The following HERC5 variants were observed in gnomAD, a reference collection of about 807,000 sequenced individuals.
HERC5 encodes the protein HECT and RLD domain containing E3 ubiquitin protein ligase 5.
HERC5 carries 99 observed loss-of-function variants against 119.6 expected under a neutral mutation model. The observed-to-expected ratio is 0.83, with a 90% CI of 0.70 to 0.98. The LOEUF is 0.98. HERC5 is among the 50% of genes least tolerant of loss of function. The probability of loss-of-function intolerance (pLI) is 0.00; values close to 1 mark genes in which losing one functional copy is unlikely to be tolerated. For missense variants in HERC5, 1,267 were observed against 1,241.3 expected, an observed-to-expected ratio of 1.02 and a Z score of -0.31; for synonymous variants, 478 against 445.9, an observed-to-expected ratio of 1.07 and a Z score of -0.91.
intron 13 of HERC5, among the ~76,000 whole-genome samples, chr4:88,485,496 T>C (rs1024499349): frequency 1.3e-5 from 2 of 152,160 alleles, no homozygotes; most frequent in African/African-American, 4.8e-5. Flanking sequence ...AGACACATGG[T>C]TTCAGTGCAT....
Position 88,457,415 on chromosome 4 carries a change from G to A in HERC5, c.146G>A (p.Arg49Lys). The change falls in exon 1 of 23, where the codon AGG (arginine) becomes AAG (lysine). Residue 49 changes from arginine (R) to lysine (K), a missense_variant. By Grantham distance (26) the Arg-to-Lys change is conservative (BLOSUM62 2). Transcript: ENST00000264350. ...GGCCTCCACCGCGCGCTGCTCCGGA[G>A]GGTGGAGGTGACGCGCCAACTCTGC... Reference protein sequence around the residue: ...AAGLHRALLRRVEVTRQLCCS... With the variant: ...AAGLHRALLRKVEVTRQLCCS... 7.3e-7 allele frequency: 1 copy of A among 1,377,540 alleles called. No individual in the cohort carries two copies. The highest frequency in any genetic ancestry group is 3.4e-5 in the Admixed American group (1 of 29,780). 85.3% of individuals were successfully genotyped at this position (1,377,540 alleles called of 1,614,324 possible). A position where few individuals can be genotyped will look rare whatever the true frequency, so the allele number is the denominator to read the frequency against.
At chr4:88,461,146 A>C (rs950439719) in intron 3 of HERC5, among the ~76,000 whole-genome samples, 1 of 152,238 alleles carries the variant, frequency 6.6e-6, no homozygotes, top group Admixed American at 6.5e-5. Context: ...GTTAATAATT[A>C]GTGAGTATTT....
chr4:88,457,472 G>A lies in HERC5; in HGVS notation c.203G>A (p.Arg68His). Residue 68 changes from arginine to histidine, a missense_variant, in exon 1 of 23, where the codon CGC (arginine) becomes CAC (histidine). Physicochemically the swap from Arg to His is conservative, Grantham distance 29. Transcript: ENST00000264350. ...CCGGGGCGCCTCGCGGTCTTGGAAC[G>A]CGGCGGGGCGGGCGTCCAGGTTCAC... is the stretch of plus-strand genomic sequence containing the variant. ...CSPGRLAVLERGGAGVQVHQL... is the reference protein window; with the variant it reads ...CSPGRLAVLEHGGAGVQVHQL... 1 of 1,327,818 alleles carries A rather than the reference G, an allele frequency of 7.5e-7. No homozygotes were observed. The allele number at this position is 1,327,818 out of a possible 1,614,324, so 82.3% of individuals were successfully genotyped here. A position where few individuals can be genotyped will look rare whatever the true frequency, so the allele number is the denominator to read the frequency against.
chr4:88,458,035 A>G (rs967791224), intron 1 of HERC5: 56 of 986,286 alleles, frequency 5.7e-5, no homozygotes, highest in Non-Finnish European at 6.5e-5. Context: ...CCATCTGTGG[A>G]GTGAAGAAAT....
At chr4:88,457,653 G>C in intron 1 of HERC5, 119 bp downstream of exon 1, 1 of 1,071,798 alleles carries the variant, frequency 9.3e-7, no homozygotes, top group East Asian at 3.2e-5. Flanking sequence ...GGCCGCAGAC[G>C]CGCGCCTGGC....
chr4:88,505,629 G>T (rs1441702922), intron 22 of HERC5, 44 bp from the exon 23 acceptor site: 2 of 1,132,612 alleles, frequency 1.8e-6, no homozygotes, highest in Non-Finnish European at 2.6e-6. Flanking sequence ...AGAGATTTTG[G>T]TCTCCATGTA....
intron 2 of HERC5, 87 bp from the exon 3 acceptor site, chr4:88,460,008 T>G: frequency 1.5e-6 from 1 of 682,532 alleles, no homozygotes; most frequent in Non-Finnish European, 2.5e-6. Context: ...TGAGCTTCAT[T>G]TCTAATTAAA....
At chr4:88,472,371 T>C (rs775314533) in intron 10 of HERC5, 38 bp from the exon 11 acceptor site, 34 of 1,206,262 alleles carry the variant, frequency 2.8e-5, no homozygotes, top group South Asian at 7.9e-5. Context: ...TCTAGGGAGA[T>C]AATCTAACAA....
chr4:88,485,563 C>G (rs1462913304), intron 13 of HERC5, among the ~76,000 whole-genome samples: 3 of 152,176 alleles, frequency 2.0e-5, no homozygotes. Context: ...CAGGATAACG[C>G]CCATCCAAGT....
At chr4:88,475,273 AT>A (rs1741020109) in intron 11 of HERC5, among the ~76,000 whole-genome samples, 1 of 145,140 alleles carries the variant, frequency 6.9e-6, no homozygotes, top group Non-Finnish European at 1.5e-5. Context: ...TTCTGAATCT[AT>A]TGTTCATTGA....
intron 6 of HERC5, among the ~76,000 whole-genome samples, chr4:88,464,594 G>T (rs1480423998): frequency 4.0e-5 from 6 of 150,674 alleles, no homozygotes; most frequent in Non-Finnish European, 8.9e-5. Context: ...TTTGGTTTTT[G>T]GTTTTTTTTT....
At chr4:88,502,313 A>T (rs552342940) in intron 20 of HERC5, among the ~76,000 whole-genome samples, 6 of 152,298 alleles carry the variant, frequency 3.9e-5, no homozygotes, top group African/African-American at 1.4e-4. Flanking sequence ...ATTGATATGG[A>T]TGATGCCATA....
intron 20 of HERC5, among the ~76,000 whole-genome samples, chr4:88,501,572 G>A (rs575618342): frequency 1.3e-5 from 2 of 152,090 alleles, no homozygotes; most frequent in Non-Finnish European, 2.9e-5. Context: ...TCTAGGAAGC[G>A]TGCTGGCCTA....
intron 16 of HERC5, 114 bp downstream of exon 16, chr4:88,489,450 T>A: frequency 2.0e-6 from 2 of 1,007,820 alleles, no homozygotes; most frequent in East Asian, 2.5e-5. Context: ...AGAGGTTGTT[T>A]ATTTTAGGGT....
At position 88,489,290 on chromosome 4, in the gene HERC5, A is replaced by T. The variant is rs1413870435; in HGVS notation, c.2087A>T (p.Asn696Ile). The change falls in exon 16 of 23, where the codon AAT becomes ATT. Residue 696 changes from asparagine (N) to isoleucine (I), a missense_variant. By Grantham distance (149) the Asn-to-Ile change is moderately radical (BLOSUM62 -3). Transcript: ENST00000264350. The part of the protein sequence containing the change: ...RRNHLIEDVL[N>I]QLSQFENEDL... ...AATCACTTGATTGAGGATGTTTTGA[A>T]TCAGCTAAGTCAATTTGAGAATGAA... 5.0e-6 allele frequency: 8 copies of T among 1,613,878 alleles called. No individual in the cohort carries two copies. Among genetic ancestry groups the T allele is most frequent in the African/African-American group, 2.7e-5 (2 of 74,924 alleles).
chr4:88,459,479 C>CT lies in HERC5; in HGVS notation c.389+15dup. 6.7e-7 allele frequency: 1 copy of CT among 1,490,242 alleles called. No homozygotes were observed. The highest frequency in any genetic ancestry group is 1.3e-5 in the South Asian group (1 of 75,040). The allele number at this position is 1,490,242 out of a possible 1,614,324, so 92.3% of individuals were successfully genotyped here. Reference sequence around the variant, plus strand: ...AGCATGAAACATCTAAGGTAGGGAACTTTTTTCTTTTATTAAAAATTAATT... The same window carrying CT: ...AGCATGAAACATCTAAGGTAGGGAACTTTTTTTCTTTTATTAAAAATTAATT... On this transcript the variant is annotated intron_variant, in intron 2 of 22. Transcript: ENST00000264350.
Position 88,457,309 on chromosome 4 carries a change from C to T in HERC5, c.40C>T (p.Arg14Cys). 1 of 1,377,176 alleles carries T rather than the reference C, an allele frequency of 7.3e-7. No homozygotes were observed. The highest frequency in any genetic ancestry group is 9.3e-7 in the Non-Finnish European group (1 of 1,069,522). 85.3% of individuals were successfully genotyped at this position (1,377,176 alleles called of 1,614,324 possible). The change falls in exon 1 of 23, where the codon CGC (arginine) becomes TGC (cysteine). Residue 14 changes from arginine to cysteine, a missense_variant. Physicochemically the swap from Arg to Cys is radical, Grantham distance 180. Coordinates refer to ENST00000264350, the MANE Select transcript of HERC5 (RefSeq NM_016323.4). ...RSRRKSRRNG[R>C]STAGKAAATQ... Reference sequence around the variant, plus strand: ...GCGGAGGAAGTCGCGGCGCAACGGGCGCTCGACCGCGGGCAAGGCCGCCGC... The same window carrying T: ...GCGGAGGAAGTCGCGGCGCAACGGGTGCTCGACCGCGGGCAAGGCCGCCGC...
At chr4:88,498,159 A>C (rs1299456826) in intron 18 of HERC5, among the ~76,000 whole-genome samples, 1 of 152,166 alleles carries the variant, frequency 6.6e-6, no homozygotes, top group Admixed American at 6.6e-5. Flanking sequence ...GTCCAGGCAG[A>C]GAACTGGCAC....
chr4:88,472,513 A>G lies in HERC5; in HGVS notation c.1392+11A>G. ...TGGATTACTAACATGGTATCTTCAG[A>G]TTGTTATGTGGAGAAAGAAAATACA... is the stretch of plus-strand genomic sequence containing the variant. On this transcript the variant is annotated intron_variant, in intron 11 of 22. Transcript: ENST00000264350. 1 of 1,417,244 alleles carries G rather than the reference A, an allele frequency of 7.1e-7. No individual in the cohort carries two copies. Among genetic ancestry groups the G allele is most frequent in the Non-Finnish European group, 9.9e-7 (1 of 1,012,398 alleles). The allele number at this position is 1,417,244 out of a possible 1,614,324, so 87.8% of individuals were successfully genotyped here.
Sources: gnomAD v4.1 joint callset for allele counts (sites outside exome capture counted in the v4.1 genomes callset) on GRCh38, gnomAD v4.1.1 for gene constraint, MANE v1.5 for transcripts, NCBI Gene and HGNC (gene_info 2026-07-23, HGNC 2026-07-21) for gene names.